ASAP1: variants seen among roughly 807,000 people sequenced by gnomAD.
ASAP1 encodes ArfGAP with SH3 domain, ankyrin repeat and PH domain 1, also known as arf-GAP with SH3 domain, ANK repeat and PH domain-containing protein 1.
Under a neutral mutation model 145.2 loss-of-function variants are expected in ASAP1, and 43 were observed. The observed-to-expected ratio is 0.30, with a 90% CI of 0.23 to 0.38. The LOEUF is 0.38. Ranked by LOEUF, ASAP1 falls within the 10% of genes least tolerant of loss-of-function variation. ASAP1 has a pLI of 1.00. For synonymous variants in ASAP1, 546 were observed against 515.5 expected, an observed-to-expected ratio of 1.06 and a Z score of -0.80; for missense variants, 1,018 against 1,355.3, an observed-to-expected ratio of 0.75 and a Z score of 3.91.
At chr8:130,403,554 CTTTTT>C (rs372481861) in intron 1 of ASAP1, among the ~76,000 whole-genome samples, 1 of 125,396 alleles carries the variant, frequency 8.0e-6, no homozygotes, top group South Asian at 2.4e-4. Flanking sequence ...TTTTCTTTTT[CTTTTT>C]TTTTTTTTTT....
chr8:130,361,201 T>C (rs537399030), intron 2 of ASAP1: 3 of 180,646 alleles, frequency 1.7e-5, no homozygotes, highest in African/African-American at 4.8e-5. Context: ...TGAGCTGTTA[T>C]TAAAAGCCAA....
chr8:130,083,385 T>G (rs1439574181), intron 25 of ASAP1: 1 of 152,252 alleles, frequency 6.6e-6, no homozygotes, highest in Non-Finnish European at 1.5e-5. Context: ...AGTCACTTTC[T>G]GAGAATTCTT....
intron 22 of ASAP1, 58 bp from the exon 23 acceptor site, chr8:130,115,793 T>G: frequency 1.6e-6 from 2 of 1,259,794 alleles, no homozygotes; most frequent in Non-Finnish European, 2.3e-6. Flanking sequence ...ATCCCAATAT[T>G]ATACAAACAC....
intron 27 of ASAP1, among the ~76,000 whole-genome samples, chr8:130,062,162 T>A (rs1261228571): frequency 1.3e-5 from 2 of 152,228 alleles, no homozygotes; most frequent in Admixed American, 1.3e-4. Context: ...TTACTCATTT[T>A]TGTAACTTTG....
chr8:130,233,814 A>G (rs2136640139), intron 4 of ASAP1, among the ~76,000 whole-genome samples: 1 of 152,338 alleles, frequency 6.6e-6, no homozygotes, highest in East Asian at 1.9e-4. Context: ...ACAGGAGAAT[A>G]TAATAGGTGC....
chr8:130,057,838 AG>A, intron 29 of ASAP1, 115 bp downstream of exon 29: 1 of 1,317,004 alleles, frequency 7.6e-7, no homozygotes, highest in East Asian at 2.3e-5. Flanking sequence ...TGCAGCTGAC[AG>A]GGTCCTTGTG....
At chr8:130,068,533 G>A (rs973862020) in intron 27 of ASAP1, among the ~76,000 whole-genome samples, 1 of 152,200 alleles carries the variant, frequency 6.6e-6, no homozygotes, top group Admixed American at 6.5e-5. Context: ...CTAATTTAGG[G>A]GCAGTATCTT....
chr8:130,165,753 C>T (rs961112683), intron 11 of ASAP1, among the ~76,000 whole-genome samples: 13 of 152,176 alleles, frequency 8.5e-5, no homozygotes, highest in African/African-American at 2.9e-4. Context: ...ATCCCCAGTG[C>T]ATATACCTGG....
Position 130,354,188 on chromosome 8 carries a change from C to A in ASAP1, c.186+3829G>T, listed in dbSNP as rs1459263805. ...TACAGGCCTGAGCCACCGCGCCCAG[C>A]CGGGAGGGAGATTTTTAAATTCCAT... On this transcript the variant is annotated intron_variant, in intron 3 of 29. Transcript: ENST00000518721. Among the ~76,000 whole-genome samples the A allele has an allele frequency of 2.6e-5, 4 of 152,132 alleles. No individual in the cohort carries two copies. The East Asian group carries it at 5.8e-4, about 22-fold the overall frequency.
rs569941414 is a variant in ASAP1, at chr8:130,187,129, T to C, written c.530+107A>G. The stretch of plus-strand genomic sequence containing the variant: ...TAAACAGGTTTTTGTTGAGAAGTTA[T>C]TAGTTAAGGGCTCTGTCCTTTTTCC... On this transcript the variant is annotated intron_variant, in intron 7 of 29. Coordinates refer to ENST00000518721, the MANE Select transcript of ASAP1 (RefSeq NM_018482.4). The C allele has an allele frequency of 4.4e-6, 4 of 908,534 alleles. No individual in the cohort carries two copies. In the East Asian group the frequency reaches 1.0e-4, roughly 24 times the overall value. The allele number at this position is 908,534 out of a possible 1,614,324, so 56.3% of individuals were successfully genotyped here.
At chr8:130,094,237 G>A (rs1415934545) in intron 24 of ASAP1, among the ~76,000 whole-genome samples, 1 of 152,022 alleles carries the variant, frequency 6.6e-6, no homozygotes, top group African/African-American at 2.4e-5. Context: ...TTGAGACAAG[G>A]TCTTGCTTTG....
At chr8:130,077,413 G>A (rs949505622) in intron 26 of ASAP1, among the ~76,000 whole-genome samples, 3 of 152,140 alleles carry the variant, frequency 2.0e-5, no homozygotes, top group African/African-American at 7.2e-5. Flanking sequence ...ACACCAGGAG[G>A]CCTGCATGCC....
chr8:130,151,871 C>T (rs1017083089), intron 13 of ASAP1, among the ~76,000 whole-genome samples: 1 of 152,202 alleles, frequency 6.6e-6, no homozygotes, highest in African/African-American at 2.4e-5. Context: ...CAGACAGACA[C>T]CCGAGTTTGA....
intron 7 of ASAP1, 75 bp downstream of exon 7, chr8:130,187,161 G>GT (rs1001676910): frequency 0.12 from 114,477 of 972,290 alleles, no homozygotes; most frequent in South Asian, 0.15. Context: ...TTCCAGTTAA[G>GT]TTTTTTTTTT....
chr8:130,354,286 A>C (rs1029032737), intron 3 of ASAP1, among the ~76,000 whole-genome samples: 11 of 152,192 alleles, frequency 7.2e-5, no homozygotes, highest in Admixed American at 7.2e-4. Context: ...TTCTCTATAA[A>C]ATGGAAACGA....
chr8:130,360,968 G>C (rs1284135915), intron 2 of ASAP1: 2 of 152,820 alleles, frequency 1.3e-5, no homozygotes, highest in African/African-American at 4.8e-5. Context: ...TAAGCTCTCT[G>C]AGACTCAGTT....
rs1421212614 is a variant in ASAP1, at chr8:130,133,684, C to CA, written c.1217+611dup. 2.4e-4 allele frequency among the ~76,000 whole-genome samples: 36 copies of CA among 147,608 alleles called. 1 individual carries two copies. Among genetic ancestry groups the CA allele is most frequent in the Middle Eastern group, 3.3e-3 (1 of 306 alleles). Reference sequence around the variant, plus strand: ...TCTCAAAAACAAACAAACAAACAAACAAACAAAAAAAAAAACAAAAAACTC... The same window carrying CA: ...TCTCAAAAACAAACAAACAAACAAACAAAACAAAAAAAAAAACAAAAAACTC... On this transcript the variant is annotated intron_variant, in intron 15 of 29. Coordinates refer to ENST00000518721, the MANE Select transcript of ASAP1 (RefSeq NM_018482.4).
chr8:130,405,476 C>T (rs577012973), intron 1 of ASAP1, among the ~76,000 whole-genome samples: 1 of 152,300 alleles, frequency 6.6e-6, no homozygotes, highest in African/African-American at 2.4e-5. Context: ...TTCAGTGGGT[C>T]TTCATGAGAG....
intron 3 of ASAP1, among the ~76,000 whole-genome samples, chr8:130,326,201 C>T (rs964167465): frequency 6.6e-6 from 1 of 152,172 alleles, no homozygotes; most frequent in African/African-American, 2.4e-5. Context: ...GACTTCCCAG[C>T]GCATATCCTT....
Sources: gnomAD v4.1 joint callset for allele counts (sites outside exome capture counted in the v4.1 genomes callset) on GRCh38, gnomAD v4.1.1 for gene constraint, MANE v1.5 for transcripts, NCBI Gene and HGNC (gene_info 2026-07-23, HGNC 2026-07-21) for gene names.